Variants in ZNF678 observed in about 807,000 individuals in gnomAD.
ZNF678 encodes the protein zinc finger protein 678.
Under a neutral mutation model 3.0 loss-of-function variants are expected in ZNF678, and 5 were observed. The observed-to-expected ratio is 1.69, with a 90% CI of 0.88 to 3.56. The LOEUF (loss-of-function observed/expected upper bound fraction) is 3.56, where lower values mean the gene tolerates loss of function less well. ZNF678 is among the 30% of genes most tolerant of loss of function. ZNF678 has a pLI of 0.00. For synonymous variants in ZNF678, 218 were observed against 199.6 expected (o/e 1.09, Z -0.78); for missense variants, 593 against 605.0 (o/e 0.98, Z 0.21).
chr1:227,567,851 GTTAC>G (rs1050049397), intron 1 of ZNF678, among the ~76,000 whole-genome samples: 5 of 151,960 alleles, frequency 3.3e-5, no homozygotes, highest in Admixed American at 1.3e-4. Context: ...TACATGAAAA[GTTAC>G]TTAATTCTAA....
intron 5 of ZNF678, among the ~76,000 whole-genome samples, chr1:227,671,992 G>A (rs1363350242): frequency 1.3e-5 from 2 of 152,224 alleles, no homozygotes; most frequent in African/African-American, 4.8e-5. Context: ...GGATGGGTAA[G>A]ATTCAGAAAT....
chr1:227,591,339 C>T (rs1038098295), intron 1 of ZNF678, among the ~76,000 whole-genome samples: 1 of 147,516 alleles, frequency 6.8e-6, no homozygotes, highest in Non-Finnish European at 1.5e-5. Context: ...GGCCACTTTT[C>T]CCTTGCTGAA....
At chr1:227,574,057 T>A (rs1176057141) in intron 1 of ZNF678, among the ~76,000 whole-genome samples, 1 of 152,254 alleles carries the variant, frequency 6.6e-6, no homozygotes, top group Non-Finnish European at 1.5e-5. Context: ...CCACACTTTC[T>A]TTATTCAGGC....
rs2102809983 is a variant in ZNF678 at position 227,657,286 on chromosome 1, T to C, written c.*1458T>C. On this transcript the variant is annotated 3_prime_UTR_variant, in exon 4 of 4. Coordinates refer to ENST00000343776, the MANE Select transcript of ZNF678 (RefSeq NM_001367909.1). Reference sequence around the variant, plus strand: ...TTGCCTTTTATTATGCATAAAAGCTTCCTGAGGCCTCATCAGAAGTTAAGC... The same window carrying C: ...TTGCCTTTTATTATGCATAAAAGCTCCCTGAGGCCTCATCAGAAGTTAAGC... The C allele has an allele frequency of 6.6e-6, 1 of 152,084 alleles. No individual in the cohort carries two copies. The highest frequency in any genetic ancestry group is 2.1e-4 in the South Asian group (1 of 4,826). The allele number at this position is 152,084 out of a possible 1,614,324, so 9.4% of individuals were successfully genotyped here. A position where few individuals can be genotyped will look rare whatever the true frequency, so the allele number is the denominator to read the frequency against.
chr1:227,569,978 G>T (rs1656795033), intron 1 of ZNF678, among the ~76,000 whole-genome samples: 1 of 152,182 alleles, frequency 6.6e-6, no homozygotes, highest in Non-Finnish European at 1.5e-5. Context: ...TTCTGGGCTT[G>T]CAGTAAAAAG....
intron 1 of ZNF678, among the ~76,000 whole-genome samples, chr1:227,575,549 G>C (rs545449190): frequency 6.6e-6 from 1 of 152,048 alleles, no homozygotes. Context: ...CGGCTTGGCT[G>C]TTGTTGGTAT....
chr1:227,609,350 A>T (rs558780274), intron 1 of ZNF678, among the ~76,000 whole-genome samples: 1 of 152,268 alleles, frequency 6.6e-6, no homozygotes, highest in Non-Finnish European at 1.5e-5. Context: ...AAACATAAAA[A>T]TAAGTTAATG....
chr1:227,580,432 C>G (rs1465514493), intron 1 of ZNF678, among the ~76,000 whole-genome samples: 2 of 152,144 alleles, frequency 1.3e-5, no homozygotes, highest in Admixed American at 6.5e-5. Context: ...ATATTTTTGA[C>G]AGAAATTATA....
intron 1 of ZNF678, among the ~76,000 whole-genome samples, chr1:227,579,921 C>G (rs192113354): frequency 4.3e-4 from 65 of 152,306 alleles, no homozygotes; most frequent in Non-Finnish European, 7.3e-5. Flanking sequence ...ACAGATGCTT[C>G]TTTATCAAAC....
Position 227,654,779 on chromosome 1 carries a change from G to T in ZNF678, c.529G>T (p.Gly177Ter). ...AACTAACCATAAGAAAATTCATACTGGAGAGAAACCCTACAAATGTGATGA... is the reference window on the plus strand; with the variant it reads ...AACTAACCATAAGAAAATTCATACTTGAGAGAAACCCTACAAATGTGATGA... ...QLTNHKKIHT[G>*]EKPYKCDECD... Residue 177 changes from glycine (G) to a stop codon, truncating the protein, a stop_gained, in exon 4 of 4, where the codon GGA (glycine) becomes TGA (stop). Coordinates refer to ENST00000343776, the MANE Select transcript of ZNF678 (RefSeq NM_001367909.1). LOFTEE classifies it low-confidence loss of function (END_TRUNC). 1 of 1,613,246 alleles carries T rather than the reference G, an allele frequency of 6.2e-7. No individual in the cohort carries two copies. The highest frequency in any genetic ancestry group is 1.1e-5 in the South Asian group (1 of 91,038).
rs945298739 is a variant in ZNF678 at position 227,638,090 on chromosome 1, A to G, written c.-163-8454A>G. Among the ~76,000 whole-genome samples, 16 of 152,154 alleles carry G rather than the reference A, an allele frequency of 1.1e-4. No homozygotes were observed. Among genetic ancestry groups the G allele is most frequent in the Non-Finnish European group, 1.9e-4 (13 of 68,022 alleles). ...AGAGGTCGTGAGCAAGGGCCTGTCC[A>G]AAAAGGTGGGGGCTGTCTCTGAAAC... On this transcript the variant is annotated intron_variant, in intron 1 of 3. Transcript: ENST00000343776. This position sits in a 1 kb window ranked among gnomAD's most constrained non-coding sequence, Gnocchi z 4.2.
chr1:227,608,220 C>A (rs3010194), intron 1 of ZNF678, among the ~76,000 whole-genome samples: 70,053 of 151,660 alleles, frequency 0.46, 17,122 homozygotes, highest in African/African-American at 0.62. Flanking sequence ...GCCACATACA[C>A]ATATAATTTG....
At chr1:227,601,412 A>G (rs1360872387) in intron 1 of ZNF678, among the ~76,000 whole-genome samples, 1 of 150,558 alleles carries the variant, frequency 6.6e-6, no homozygotes, top group Non-Finnish European at 1.5e-5. Context: ...TTTTTATTTG[A>G]GCAGTGTTTG....
intron 1 of ZNF678, among the ~76,000 whole-genome samples, chr1:227,597,907 G>C (rs1218931379): frequency 6.6e-6 from 1 of 152,172 alleles, no homozygotes; most frequent in East Asian, 1.9e-4. Flanking sequence ...ACACTATTCT[G>C]CTAGCTAAAG....
intron 1 of ZNF678, among the ~76,000 whole-genome samples, chr1:227,588,365 G>C (rs1011732389): frequency 6.6e-6 from 1 of 152,106 alleles, no homozygotes; most frequent in Non-Finnish European, 1.5e-5. Flanking sequence ...GGATTGTTGA[G>C]TCAAGTGGTA....
intron 1 of ZNF678, among the ~76,000 whole-genome samples, chr1:227,611,590 A>G (rs1658022077): frequency 6.6e-6 from 1 of 152,222 alleles, no homozygotes; most frequent in African/African-American, 2.4e-5. Flanking sequence ...AGAGCTGCCC[A>G]GTGGTTAGTC....
At chr1:227,636,074 G>A (rs752955800) in intron 1 of ZNF678, among the ~76,000 whole-genome samples, 3 of 152,058 alleles carry the variant, frequency 2.0e-5, no homozygotes, top group Admixed American at 6.6e-5. Flanking sequence ...ATTGTCTGGC[G>A]GTTAACTGTA....
chr1:227,645,498 A>G (rs1658933701), intron 1 of ZNF678, among the ~76,000 whole-genome samples: 3 of 152,306 alleles, frequency 2.0e-5, no homozygotes, highest in East Asian at 3.9e-4. Context: ...TTTCTTTCCT[A>G]TATATCAATG....
intron 1 of ZNF678, among the ~76,000 whole-genome samples, chr1:227,566,271 C>T (rs78988462): frequency 0.013 from 1,976 of 152,260 alleles, 18 homozygotes; most frequent in Non-Finnish European, 0.02. Context: ...ACACCCTTCA[C>T]CTAAAAAGCT....
Sources: allele counts gnomAD v4.1 joint callset (sites outside exome capture counted in the v4.1 genomes callset), GRCh38; gene constraint gnomAD v4.1.1; non-coding constraint Gnocchi (gnomAD v3.1); transcripts MANE v1.5; gene names NCBI Gene and HGNC (gene_info 2026-07-23, HGNC 2026-07-21).